The following GOPC variants were observed in gnomAD, a reference collection of about 807,000 sequenced individuals.
GOPC encodes the protein Golgi-associated PDZ and coiled-coil motif-containing protein.
GOPC carries 32 observed loss-of-function variants against 51.2 expected under a neutral mutation model. The ratio of observed to expected loss-of-function variants is 0.63; its 90% CI spans 0.47 to 0.84. The LOEUF (loss-of-function observed/expected upper bound fraction) is 0.84, where lower values mean the gene tolerates loss of function less well. Ranked by LOEUF, GOPC falls within the 40% of genes least tolerant of loss-of-function variation. The pLI, the probability that GOPC is intolerant of heterozygous loss-of-function variation, is 0.00. For synonymous variants in GOPC, 190 were observed against 205.1 expected (o/e 0.93, Z 0.63); for missense variants, 441 against 555.5 (o/e 0.79, Z 2.07).
chr6:117,598,259 A>C (rs1253869397), intron 1 of GOPC, among the ~76,000 whole-genome samples: 2 of 151,906 alleles, frequency 1.3e-5, no homozygotes, highest in Non-Finnish European at 2.9e-5. Flanking sequence ...CTGTAGTCCA[A>C]GCTACTTGGG....
intron 1 of GOPC, among the ~76,000 whole-genome samples, chr6:117,587,180 A>C (rs923698873): frequency 6.6e-6 from 1 of 151,834 alleles, no homozygotes; most frequent in African/African-American, 2.4e-5. Context: ...TGTTCACTCT[A>C]TTTTTTTTCC....
chr6:117,566,914 C>A lies in GOPC; in HGVS notation c.1198G>T (p.Gly400Ter). The change falls in exon 8 of 9, where the codon GGA becomes TGA. Residue 400 changes from glycine (G) to a stop codon, truncating the protein, a stop_gained. Transcript: ENST00000368498. LOFTEE classifies it high-confidence loss of function. The stretch of plus-strand genomic sequence containing the variant: ...CAACTAGCACCAGGGTTACCACCTC[C>A]TTCTAACTCATCAAGGTACAAACGG... ...RYRLYLDELEGGGNPGASCKD... is the reference protein window; with the variant it reads ...RYRLYLDELE The A allele has an allele frequency of 6.2e-7, 1 of 1,610,668 alleles. No individual in the cohort carries two copies. Among genetic ancestry groups the A allele is most frequent in the Non-Finnish European group, 8.5e-7 (1 of 1,178,604 alleles).
At position 117,561,329 on chromosome 6, in the gene GOPC, A is replaced by G. The variant is rs1224897829; in HGVS notation, c.*1925T>C. On this transcript the variant is annotated 3_prime_UTR_variant, in exon 9 of 9. Coordinates refer to ENST00000368498, the MANE Select transcript of GOPC (RefSeq NM_020399.4). ...TGAAAATCAAAGGGTTATAGCTTAC[A>G]TTTCCTAAGGATTCAGTCATAGCAG... The G allele has an allele frequency of 2.7e-5, 6 of 225,048 alleles. No individual in the cohort carries two copies. Among genetic ancestry groups the G allele is most frequent in the Non-Finnish European group, 5.3e-5 (6 of 112,950 alleles). The allele number at this position is 225,048 out of a possible 1,614,324, so 13.9% of individuals were successfully genotyped here.
At chr6:117,582,798 C>G (rs1779979348) in intron 1 of GOPC, among the ~76,000 whole-genome samples, 1 of 150,734 alleles carries the variant, frequency 6.6e-6, no homozygotes. Context: ...GAAAGTGGCT[C>G]TCAGCATGAA....
At chr6:117,589,611 C>T (rs1380114335) in intron 1 of GOPC, among the ~76,000 whole-genome samples, 1 of 151,822 alleles carries the variant, frequency 6.6e-6, no homozygotes, top group Non-Finnish European at 1.5e-5. Context: ...TGAGCCACTG[C>T]GCCCAGCCCT....
intron 1 of GOPC, among the ~76,000 whole-genome samples, chr6:117,590,571 CAAAAA>C (rs563071906): frequency 2.9e-5 from 2 of 69,506 alleles, no homozygotes; most frequent in Admixed American, 1.7e-4. Context: ...GACCCTGTCT[CAAAAA>C]AAAAAAAAAA....
chr6:117,587,486 AC>A (rs1278376716), intron 1 of GOPC, among the ~76,000 whole-genome samples: 2 of 151,580 alleles, frequency 1.3e-5, no homozygotes, highest in South Asian at 4.2e-4. Context: ...AAAAAAACCA[AC>A]CCCCCAAACA....
At position 117,601,138 on chromosome 6, in the gene GOPC, T is replaced by C. The variant is rs138807510; in HGVS notation, c.285+866A>G. On this transcript the variant is annotated intron_variant, in intron 1 of 8. Transcript: ENST00000368498. ...ACTTTTTGAAAAGAAAGACCCATTC[T>C]CTTAAATTGCCTAGTTAGAAAGTAC... 3.6e-3 allele frequency among the ~76,000 whole-genome samples: 541 copies of C among 152,340 alleles called. 5 individuals are homozygous for C. Among genetic ancestry groups the C allele is most frequent in the African/African-American group, 0.012 (504 of 41,582 alleles).
Position 117,602,410 on chromosome 6 carries a change from T to A in GOPC, c.-122A>T. 1 of 935,306 alleles carries A rather than the reference T, an allele frequency of 1.1e-6. No homozygotes were observed. Among genetic ancestry groups the A allele is most frequent in the Non-Finnish European group, 1.6e-6 (1 of 643,724 alleles). 57.9% of individuals were successfully genotyped at this position (935,306 alleles called of 1,614,324 possible). Reference sequence around the variant, plus strand: ...GCACACTCCGTCACCTCCCTTCACCTCGCGCCGTTAACGCCAGCAGCACAG... The same window carrying A: ...GCACACTCCGTCACCTCCCTTCACCACGCGCCGTTAACGCCAGCAGCACAG... On this transcript the variant is annotated 5_prime_UTR_variant, in exon 1 of 9. Transcript: ENST00000368498.
intron 1 of GOPC, among the ~76,000 whole-genome samples, chr6:117,587,903 T>G (rs1780057076): frequency 6.6e-6 from 1 of 152,148 alleles, no homozygotes; most frequent in East Asian, 1.9e-4. Context: ...AGACAAGGTC[T>G]CACTGTGTTG....
intron 1 of GOPC, among the ~76,000 whole-genome samples, chr6:117,579,937 G>A (rs542826057): frequency 6.6e-6 from 1 of 152,150 alleles, no homozygotes; most frequent in East Asian, 1.9e-4. Context: ...AAATACACAT[G>A]TGGACCAACT....
rs555980598 is a variant in GOPC at position 117,562,307 on chromosome 6, C to T, written c.*947G>A. On this transcript the variant is annotated 3_prime_UTR_variant, in exon 9 of 9. Coordinates refer to ENST00000368498, the MANE Select transcript of GOPC (RefSeq NM_020399.4). ...ATCATTTACTTAGAAAGAAAACTGC[C>T]GTTTGATTTGAATGTACTGTGTTTC... 1.4e-4 allele frequency: 28 copies of T among 202,878 alleles called. No individual in the cohort carries two copies. Among genetic ancestry groups the T allele is most frequent in the South Asian group, 3.8e-4 (2 of 5,272 alleles). The allele number at this position is 202,878 out of a possible 1,614,324, so 12.6% of individuals were successfully genotyped here. A position where few individuals can be genotyped will look rare whatever the true frequency, so the allele number is the denominator to read the frequency against.
At chr6:117,580,331 A>C (rs1779939612) in intron 1 of GOPC, among the ~76,000 whole-genome samples, 1 of 152,128 alleles carries the variant, frequency 6.6e-6, no homozygotes. Flanking sequence ...TTCTGTCTCA[A>C]GTTCCCTCAG....
intron 5 of GOPC, among the ~76,000 whole-genome samples, chr6:117,572,944 A>T (rs73766244): frequency 0.022 from 3,355 of 152,318 alleles, 134 homozygotes; most frequent in African/African-American, 0.077. Context: ...AAAATTCAAT[A>T]AAGATTTATC....
chr6:117,579,290 TA>T (rs1252422848), intron 1 of GOPC, among the ~76,000 whole-genome samples: 1 of 152,124 alleles, frequency 6.6e-6, no homozygotes, highest in African/African-American at 2.4e-5. Context: ...CTGTATCTTC[TA>T]ATAACACAGA....
intron 1 of GOPC, among the ~76,000 whole-genome samples, chr6:117,584,193 G>C (rs1002571512): frequency 1.3e-5 from 2 of 152,154 alleles, no homozygotes; most frequent in African/African-American, 4.8e-5. Flanking sequence ...AAACTTCTGT[G>C]ACCAAATGTG....
chr6:117,563,536 ATGTGG>A, intron 8 of GOPC, 152 bp from the exon 9 acceptor site: 1 of 656,444 alleles, frequency 1.5e-6, no homozygotes, highest in Non-Finnish European at 2.6e-6. Context: ...AGCCTGGACA[ATGTGG>A]TGAAACCCCG....
Position 117,561,371 on chromosome 6 carries a change from GA to G in GOPC, c.*1882del. On this transcript the variant is annotated 3_prime_UTR_variant, in exon 9 of 9. Coordinates refer to ENST00000368498, the MANE Select transcript of GOPC (RefSeq NM_020399.4). ...TCATAGCAGATAAAGGATGTTCTCTGAAAAAAATGCCATGGCCATTCCATCC... is the reference window on the plus strand; with the variant it reads ...TCATAGCAGATAAAGGATGTTCTCTGAAAAAATGCCATGGCCATTCCATCC... The G allele has an allele frequency of 1.3e-5, 3 of 224,714 alleles. No individual in the cohort carries two copies. The highest frequency in any genetic ancestry group is 1.8e-4 in the South Asian group (1 of 5,454). 13.9% of individuals were successfully genotyped at this position (224,714 alleles called of 1,614,324 possible).
At chr6:117,584,818 G>A (rs1466843222) in intron 1 of GOPC, among the ~76,000 whole-genome samples, 1 of 151,644 alleles carries the variant, frequency 6.6e-6, no homozygotes, top group African/African-American at 2.4e-5. Context: ...TCCCCTTGGT[G>A]GTAACTGAAT....
Sources: gnomAD v4.1 joint callset for allele counts (sites outside exome capture counted in the v4.1 genomes callset) on GRCh38, gnomAD v4.1.1 for gene constraint, MANE v1.5 for transcripts, NCBI Gene and HGNC (gene_info 2026-07-23, HGNC 2026-07-21) for gene names.